MGAM: variants seen among roughly 807,000 people sequenced by gnomAD.
MGAM encodes the protein maltase-glucoamylase.
Under a neutral mutation model 358.8 loss-of-function variants are expected in MGAM, and 253 were observed. That is an observed-to-expected ratio of 0.71 (90% CI 0.64 to 0.78). MGAM has a LOEUF of 0.78. Among genes scored for constraint, MGAM ranks in the 30% least tolerant of loss-of-function variants. The pLI, the probability that MGAM is intolerant of heterozygous loss-of-function variation, is 0.00. For synonymous variants in MGAM, 1,105 were observed against 1,227.1 expected (o/e 0.90, Z 2.08); for missense variants, 3,080 against 3,432.6 (o/e 0.90, Z 2.57).
chr7:141,992,134 A>G (rs914790070), upstream of MGAM, among the ~76,000 whole-genome samples: 4 of 152,242 alleles, frequency 2.6e-5, no homozygotes. Context: ...GCAGATGCAA[A>G]CTGATCATAT....
intron 21 of MGAM, among the ~76,000 whole-genome samples, chr7:142,042,567 A>G (rs1205821621): frequency 2.9e-5 from 1 of 34,326 alleles, no homozygotes; most frequent in Non-Finnish European, 4.6e-5. Context: ...ATTATATATA[A>G]TATATAATAT....
chr7:142,076,390 A>G lies in MGAM; in HGVS notation c.5325+138A>G, dbSNP rs778477747. On this transcript the variant is annotated intron_variant, in intron 46 of 70. Coordinates refer to ENST00000475668, the MANE Select transcript of MGAM (RefSeq NM_001365693.1). ...ATAGGTGAGCACATTTCTATTTATGATTTCATCGATGTTTTCAAAAGGAGG... is the reference window on the plus strand; with the variant it reads ...ATAGGTGAGCACATTTCTATTTATGGTTTCATCGATGTTTTCAAAAGGAGG... The G allele has an allele frequency of 7.0e-6, 7 of 994,914 alleles. 1 individual carries two copies. The highest frequency in any genetic ancestry group is 3.5e-5 in the Admixed American group (2 of 57,012). The allele number at this position is 994,914 out of a possible 1,614,324, so 61.6% of individuals were successfully genotyped here.
intron 49 of MGAM, among the ~76,000 whole-genome samples, chr7:142,080,058 C>G (rs192872444): frequency 6.8e-6 from 1 of 146,628 alleles, no homozygotes; most frequent in Non-Finnish European, 1.5e-5. Context: ...TTATTCTTCA[C>G]CAGAATGACT....
chr7:142,034,739 C>A lies in MGAM; in HGVS notation c.1857C>A (p.Gly619=). 6.2e-7 allele frequency: 1 copy of A among 1,613,576 alleles called. No homozygotes were observed. The highest frequency in any genetic ancestry group is 8.5e-7 in the Non-Finnish European group (1 of 1,179,642). The part of the protein sequence containing the change: ...ILTRSTFAGS[G]KFAAHWLGDN... ...CCCGTTCTACCTTTGCGGGCTCTGGCAAGTTTGCAGCACATTGGTTAGGAG... is the reference window on the plus strand; with the variant it reads ...CCCGTTCTACCTTTGCGGGCTCTGGAAAGTTTGCAGCACATTGGTTAGGAG... Residue 619 remains glycine, a synonymous_variant, in exon 16 of 71, where the codon GGC becomes GGA. Transcript: ENST00000475668.
rs540388030 is a variant in MGAM, at chr7:142,085,901, C to T, written c.6576C>T (p.Ala2192=). The T allele has an allele frequency of 1.4e-4, 227 of 1,565,892 alleles. 27 individuals are homozygous for T. Among genetic ancestry groups the T allele is most frequent in the Middle Eastern group, 1.0e-3 (6 of 5,972 alleles). Residue 2192 remains alanine (A), a synonymous_variant, in exon 55 of 71, where the codon GCC becomes GCT. Coordinates refer to ENST00000475668, the MANE Select transcript of MGAM (RefSeq NM_001365693.1). ...ACTTCACCCTCAGCCCCAAGTTTGC[C>T]GGGTTTCCAGCTCTGATCAATCGCA... ...QLDFTLSPKF[A]GFPALINRMK...
At chr7:142,103,706 C>G (rs1013456122) in intron 70 of MGAM, among the ~76,000 whole-genome samples, 3 of 152,122 alleles carry the variant, frequency 2.0e-5, no homozygotes, top group African/African-American at 7.2e-5. Flanking sequence ...ACTCCCTCAC[C>G]TCTGCCTCAG....
At chr7:142,032,018 T>C (rs1400033363) in intron 13 of MGAM, among the ~76,000 whole-genome samples, 4 of 151,204 alleles carry the variant, frequency 2.6e-5, no homozygotes, top group African/African-American at 9.8e-5. Flanking sequence ...AGAATTTTTT[T>C]TCCCAAGTCT....
chr7:142,042,917 TA>T (rs1266802581), intron 21 of MGAM, among the ~76,000 whole-genome samples: 1 of 49,184 alleles, frequency 2.0e-5, no homozygotes, highest in Non-Finnish European at 3.7e-5. Flanking sequence ...ATATTATATA[TA>T]CATATAATAT....
At position 142,093,055 on chromosome 7, in the gene MGAM, G is replaced by T. The variant is rs184009639; in HGVS notation, c.7034-357G>T. On this transcript the variant is annotated intron_variant, in intron 59 of 70. Coordinates refer to ENST00000475668, the MANE Select transcript of MGAM (RefSeq NM_001365693.1). ...TTTTGTGACTTTTCACAGATTATGC[G>T]ATATGTCCAAATCTCAGTCTGCTAA... 1.4e-5 allele frequency among the ~76,000 whole-genome samples: 2 copies of T among 146,288 alleles called. 1 individual carries two copies. Among genetic ancestry groups the T allele is most frequent in the African/African-American group, 4.9e-5 (2 of 41,056 alleles).
At chr7:142,069,979 G>A (rs1277513675) in intron 43 of MGAM, among the ~76,000 whole-genome samples, 1 of 145,528 alleles carries the variant, frequency 6.9e-6, no homozygotes, top group East Asian at 2.0e-4. Flanking sequence ...AGATCACAAG[G>A]TCAGGAGATC....
intron 59 of MGAM, 30 bp downstream of exon 59, chr7:142,092,638 G>T: frequency 6.7e-7 from 1 of 1,493,720 alleles, no homozygotes. Flanking sequence ...TTGATTGGCA[G>T]AGCCATGATT....
intron 69 of MGAM, 67 bp downstream of exon 69, chr7:142,102,746 G>A: frequency 6.9e-7 from 1 of 1,452,698 alleles, no homozygotes; most frequent in Non-Finnish European, 9.5e-7. Context: ...AATATCGTAA[G>A]GGCATAAAAT....
At position 142,030,382 on chromosome 7, in the gene MGAM, T is replaced by A. The variant is rs1554462852; in HGVS notation, c.1242T>A (p.Ile414=). The A allele has an allele frequency of 6.2e-7, 1 of 1,613,168 alleles. No individual in the cohort carries two copies. Among genetic ancestry groups the A allele is most frequent in the South Asian group, 1.1e-5 (1 of 91,022 alleles). The change falls in exon 11 of 71, where the codon ATT becomes ATA. Residue 414 remains isoleucine (I), a synonymous_variant. Coordinates refer to ENST00000475668, the MANE Select transcript of MGAM (RefSeq NM_001365693.1). ...QLPYDVQHAD[I]DYMDERRDFT... is the part of the protein sequence containing the mutation. ...TTCAGGATGTTCAGCATGCTGATAT[T>A]GATTATATGGATGAGAGAAGGGACT...
chr7:142,104,365 G>A (rs1009621602), intron 70 of MGAM, among the ~76,000 whole-genome samples: 2 of 152,036 alleles, frequency 1.3e-5, no homozygotes, highest in African/African-American at 4.8e-5. Flanking sequence ...TATTTAAATT[G>A]TACTATTTAA....
chr7:142,094,504 G>C lies in MGAM; in HGVS notation c.7306+7G>C. The C allele has an allele frequency of 2.6e-6, 4 of 1,549,142 alleles. 2 individuals carry two copies. The highest frequency in any genetic ancestry group is 3.5e-6 in the Non-Finnish European group (4 of 1,128,628). ...CTGAAGAAGTCTATCATTGGTGCGTGGGTCCTTCCCAGGGCCTGTGCCGGT... is the reference window on the plus strand; with the variant it reads ...CTGAAGAAGTCTATCATTGGTGCGTCGGTCCTTCCCAGGGCCTGTGCCGGT... On this transcript the variant is annotated splice_region_variant and intron_variant, in intron 61 of 70. Coordinates refer to ENST00000475668, the MANE Select transcript of MGAM (RefSeq NM_001365693.1).
intron 3 of MGAM, among the ~76,000 whole-genome samples, chr7:142,014,446 A>G (rs181710435): frequency 1.3e-5 from 2 of 152,268 alleles, no homozygotes; most frequent in Non-Finnish European, 2.9e-5. Context: ...TTATTTTCAC[A>G]ATGGTTTTGA....
At chr7:142,088,822 C>T (rs201315581) in intron 57 of MGAM, among the ~76,000 whole-genome samples, 2,776 of 124,812 alleles carry the variant, frequency 0.022, 391 homozygotes, top group East Asian at 0.19. Flanking sequence ...ATCTATGTAC[C>T]ATCTATCTAT....
intron 22 of MGAM, among the ~76,000 whole-genome samples, chr7:142,048,612 A>G (rs2129028926): frequency 6.7e-6 from 1 of 150,238 alleles, no homozygotes; most frequent in African/African-American, 2.4e-5. Context: ...ACTTTTTAGC[A>G]TATTTGTGGA....
In MGAM at chr7:142,078,182, A is replaced by T. The variant is rs1284853677; in HGVS notation, c.5494-136A>T. The stretch of plus-strand genomic sequence containing the variant: ...AGTTCTCTTCTTATAAGCTAAAGTG[A>T]TATGTTGCTTGGATGGTTGAAAGTC... On this transcript the variant is annotated intron_variant, in intron 47 of 70. Transcript: ENST00000475668. The T allele has an allele frequency of 5.7e-6, 4 of 706,906 alleles. 1 individual carries two copies. Among genetic ancestry groups the T allele is most frequent in the Non-Finnish European group, 8.8e-6 (4 of 455,268 alleles). The allele number at this position is 706,906 out of a possible 1,614,324, so 43.8% of individuals were successfully genotyped here.
Sources: allele counts gnomAD v4.1 joint callset (sites outside exome capture counted in the v4.1 genomes callset), GRCh38; gene constraint gnomAD v4.1.1; transcripts MANE v1.5; gene names NCBI Gene and HGNC (gene_info 2026-07-23, HGNC 2026-07-21).